The following PRKG1 variants were observed in gnomAD, a reference collection of about 807,000 sequenced individuals.
The protein encoded by PRKG1 is cGMP-dependent protein kinase 1.
In PRKG1, 35 loss-of-function variants were observed where a neutral mutation model predicts 88.1. That is an observed-to-expected ratio of 0.40 (90% confidence interval 0.30 to 0.53). PRKG1 has a LOEUF of 0.53. PRKG1 is among the 20% of genes least tolerant of loss of function. PRKG1 has a pLI of 0.59. For synonymous variants in PRKG1, 303 were observed against 292.5 expected (o/e 1.04, Z -0.37); for missense variants, 540 against 839.8 (o/e 0.64, Z 4.41).
Position 51,952,532 on chromosome 10 carries a change from G to A in PRKG1, c.762+44962G>A, listed in dbSNP as rs541405415. On this transcript the variant is annotated intron_variant, in intron 5 of 17. Transcript: ENST00000373980. Reference sequence around the variant, plus strand: ...CAGGTTTTTGTGATCATTTAATAAGGTAATATATTTAGATTAGATATAGTT... The same window carrying A: ...CAGGTTTTTGTGATCATTTAATAAGATAATATATTTAGATTAGATATAGTT... 2.0e-4 allele frequency among the ~76,000 whole-genome samples: 30 copies of A among 152,220 alleles called. No individual in the cohort carries two copies. The South Asian group carries it at 5.6e-3, about 28-fold the overall frequency.
intron 4 of PRKG1, among the ~76,000 whole-genome samples, chr10:51,884,466 AAAAAG>A (rs1841519557): frequency 7.2e-6 from 1 of 139,522 alleles, no homozygotes; most frequent in African/African-American, 2.7e-5. Context: ...AAAAAAAAAA[AAAAAG>A]AAAAGTTTAG....
chr10:51,158,903 T>A (rs1261638833), intron 2 of PRKG1, among the ~76,000 whole-genome samples: 1 of 152,000 alleles, frequency 6.6e-6, no homozygotes, highest in East Asian at 1.9e-4. Flanking sequence ...CTCTAAGTGT[T>A]ATGTGATTAT....
At chr10:52,144,015 T>C (rs1186269379) in intron 8 of PRKG1, among the ~76,000 whole-genome samples, 2 of 152,128 alleles carry the variant, frequency 1.3e-5, no homozygotes, top group Non-Finnish European at 2.9e-5. Flanking sequence ...TGGGGAACAT[T>C]GAGGATGGAG....
intron 8 of PRKG1, among the ~76,000 whole-genome samples, chr10:52,137,822 A>G (rs751858640): frequency 9.9e-5 from 15 of 152,124 alleles, no homozygotes; most frequent in Admixed American, 6.6e-4. Flanking sequence ...TGAATATGGA[A>G]GGCTGACTGT....
intron 3 of PRKG1, among the ~76,000 whole-genome samples, chr10:51,587,589 C>G (rs964959024): frequency 6.6e-6 from 1 of 152,190 alleles, no homozygotes; most frequent in African/African-American, 2.4e-5. Context: ...TATAGTGTTA[C>G]TTTAGTATTA....
chr10:52,113,213 T>A (rs563876753), intron 7 of PRKG1, among the ~76,000 whole-genome samples: 21 of 152,348 alleles, frequency 1.4e-4, no homozygotes, highest in African/African-American at 4.6e-4. Context: ...GCTAATCTAT[T>A]GTTAGCATGA....
Position 51,627,834 on chromosome 10 carries a change from C to CTCCTT in PRKG1, c.592+160016_592+160020dup, listed in dbSNP as rs370135817. ...GGTAGCTGAAAGTCACAATCTTCCTCTCCTTTCCTTTCCTTTCCTTTCTCC... is the reference window on the plus strand; with the variant it reads ...GGTAGCTGAAAGTCACAATCTTCCTCTCCTTTCCTTTCCTTTCCTTTCCTTTCTCC... On this transcript the variant is annotated intron_variant, in intron 3 of 17. Transcript: ENST00000373980. Among the ~76,000 whole-genome samples the CTCCTT allele has an allele frequency of 1.4e-4, 20 of 141,608 alleles. No homozygotes were observed. In the East Asian group the frequency reaches 2.3e-3, roughly 16 times the overall value. The allele number at this position is 141,608 out of a possible 152,430, so 92.9% of individuals were successfully genotyped here.
chr10:51,999,754 A>C (rs2133146524), intron 5 of PRKG1, among the ~76,000 whole-genome samples: 1 of 152,212 alleles, frequency 6.6e-6, no homozygotes, highest in East Asian at 1.9e-4. Context: ...ATTTATAAAA[A>C]TTCAGGTACA....
At chr10:51,602,246 A>C (rs1838626297) in intron 3 of PRKG1, among the ~76,000 whole-genome samples, 1 of 152,182 alleles carries the variant, frequency 6.6e-6, no homozygotes, top group South Asian at 2.1e-4. Context: ...CTAAACTGGT[A>C]AATGGAACTA....
chr10:52,108,477 T>C (rs1169036679), intron 7 of PRKG1, among the ~76,000 whole-genome samples: 1 of 152,180 alleles, frequency 6.6e-6, no homozygotes, highest in Non-Finnish European at 1.5e-5. Flanking sequence ...GATACCTAAG[T>C]GTGGCTTGCT....
At chr10:51,376,930 G>T (rs1299894898) in intron 2 of PRKG1, among the ~76,000 whole-genome samples, 1 of 152,050 alleles carries the variant, frequency 6.6e-6, no homozygotes, top group Non-Finnish European at 1.5e-5. Context: ...GTCTGCCTGG[G>T]ACTCCCAAAC....
intron 4 of PRKG1, among the ~76,000 whole-genome samples, chr10:51,859,024 C>G (rs540259845): frequency 6.6e-6 from 1 of 151,980 alleles, no homozygotes; most frequent in Non-Finnish European, 1.5e-5. Context: ...GTGGCCTGCT[C>G]GATAGAACAA....
chr10:52,188,200 GTATATATATA>G lies in PRKG1; in HGVS notation c.1076+26239_1076+26248del, dbSNP rs1192281956. Among the ~76,000 whole-genome samples the G allele has an allele frequency of 4.0e-4, 32 of 80,990 alleles. 1 individual carries two copies. In the East Asian group the frequency reaches 9.7e-3, roughly 25 times the overall value. 53.1% of individuals were successfully genotyped at this position (80,990 alleles called of 152,430 possible). ...GTATGATATCTATGTATGTGTGTGT[GTATATATATA>G]TGTGTATATATATACATATGTATAT... On this transcript the variant is annotated intron_variant, in intron 9 of 17. Transcript: ENST00000373980.
At chr10:52,243,596 G>A (rs960339686) in intron 9 of PRKG1, among the ~76,000 whole-genome samples, 7 of 152,126 alleles carry the variant, frequency 4.6e-5, no homozygotes, top group Non-Finnish European at 7.4e-5. Context: ...GCATAAATAT[G>A]CTATGATGTG....
chr10:51,467,837 G>T lies in PRKG1; in HGVS notation c.592+1G>T. 1 of 1,603,906 alleles carries T rather than the reference G, an allele frequency of 6.2e-7. No individual in the cohort carries two copies. Among genetic ancestry groups the T allele is most frequent in the Non-Finnish European group, 8.5e-7 (1 of 1,170,950 alleles). On this transcript the variant is annotated splice_donor_variant, in intron 3 of 17. Coordinates refer to ENST00000373980, the MANE Select transcript of PRKG1 (RefSeq NM_006258.4). LOFTEE classifies it high-confidence loss of function. ...TGTACCCGGACAGCGACCGTCAAGA[G>T]TAAGACTATTTTCATATTTTTAAAA...
chr10:50,991,531 G>T lies in PRKG1; in HGVS notation c.153G>T (p.Ser51=). The T allele has an allele frequency of 6.2e-7, 1 of 1,610,788 alleles. No homozygotes were observed. The highest frequency in any genetic ancestry group is 8.5e-7 in the Non-Finnish European group (1 of 1,178,850). The change falls in exon 1 of 18, where the codon TCG becomes TCT. Residue 51 remains serine, a synonymous_variant. Transcript: ENST00000401604. This position sits in a 1 kb window ranked among gnomAD's most constrained non-coding sequence, Gnocchi z 4.5. ...GCCAGTCGGTGCTCCCAGTGCCCTC[G>T]ACCCACATCGGCCCCCGGACCACCC...
intron 3 of PRKG1, among the ~76,000 whole-genome samples, chr10:51,746,737 G>T (rs1173054196): frequency 7.6e-6 from 1 of 131,138 alleles, no homozygotes; most frequent in Non-Finnish European, 1.7e-5. Flanking sequence ...AAAATAAAAA[G>T]AAAAAGAAAA....
intron 5 of PRKG1, among the ~76,000 whole-genome samples, chr10:51,947,478 C>T (rs7896226): frequency 0.08 from 12,246 of 152,156 alleles, 1,341 homozygotes; most frequent in African/African-American, 0.25. Flanking sequence ...CACTGTCTTC[C>T]GCCCACTGTC....
At chr10:51,458,432 CTTTT>C (rs10707987) in intron 2 of PRKG1, among the ~76,000 whole-genome samples, 1 of 148,174 alleles carries the variant, frequency 6.7e-6, no homozygotes, top group Admixed American at 6.8e-5. Context: ...TTTAATAACC[CTTTT>C]TTTTTTTTAC....
Sources: allele counts gnomAD v4.1 joint callset (sites outside exome capture counted in the v4.1 genomes callset), GRCh38; gene constraint gnomAD v4.1.1; non-coding constraint Gnocchi (gnomAD v3.1); transcripts MANE v1.5; gene names NCBI Gene and HGNC (gene_info 2026-07-23, HGNC 2026-07-21).